The following ZNF254 variants were observed in gnomAD, a reference collection of about 807,000 sequenced individuals.
ZNF254 encodes CTD-2017D11.1.
A neutral mutation model predicts 12.4 loss-of-function variants in ZNF254; 10 were observed. That is an observed-to-expected ratio of 0.80 (90% CI 0.50 to 1.36). ZNF254 has a LOEUF of 1.36. ZNF254 is among the 40% of genes most tolerant of loss of function. The pLI is 0.00. For synonymous variants in ZNF254, 305 were observed against 253.4 expected (o/e 1.20, Z -1.93); for missense variants, 996 against 763.9 (o/e 1.30, Z -3.58).
chr19:24,108,770 T>C (rs1198316049), intron 3 of ZNF254, among the ~76,000 whole-genome samples: 1 of 152,232 alleles, frequency 6.6e-6, no homozygotes, highest in East Asian at 1.9e-4. Context: ...CAAATTTGTC[T>C]GTAATTTTAG....
chr19:24,087,425 C>T, intron 1 of ZNF254, 88 bp downstream of exon 1: 2 of 1,547,576 alleles, frequency 1.3e-6, no homozygotes, highest in Non-Finnish European at 1.8e-6. Flanking sequence ...CAGGCCTCCC[C>T]CCAGTCAGCT....
intron 2 of ZNF254, among the ~76,000 whole-genome samples, chr19:24,069,436 A>G (rs939707322): frequency 6.7e-6 from 1 of 149,212 alleles, no homozygotes; most frequent in African/African-American, 2.4e-5. Context: ...GTGAAACCCC[A>G]TCTCTACTAA....
chr19:24,071,959 G>A (rs1599642411), intron 2 of ZNF254, among the ~76,000 whole-genome samples: 1 of 152,136 alleles, frequency 6.6e-6, no homozygotes, highest in East Asian at 1.9e-4. Flanking sequence ...ATTAAAAATT[G>A]TATATATTGA....
At chr19:24,065,237 T>TAAAACACCTG (rs1017064721) in intron 2 of ZNF254, among the ~76,000 whole-genome samples, 3 of 152,124 alleles carry the variant, frequency 2.0e-5, no homozygotes, top group Admixed American at 6.6e-5. Flanking sequence ...AGGAACCAGG[T>TAAAACACCTG]GTTTTGTCTA....
chr19:24,111,151 G>C (rs1973654193), intron 3 of ZNF254, among the ~76,000 whole-genome samples: 2 of 132,284 alleles, frequency 1.5e-5, no homozygotes, highest in African/African-American at 5.8e-5. Context: ...CCCTTCCTGT[G>C]TTCATGTGTT....
chr19:24,057,555 T>C (rs1232709329), intron 2 of ZNF254, among the ~76,000 whole-genome samples: 1 of 152,238 alleles, frequency 6.6e-6, no homozygotes, highest in African/African-American at 2.4e-5. Flanking sequence ...AGGCTCATTG[T>C]ACAGTTGAGG....
intron 1 of ZNF254, among the ~76,000 whole-genome samples, chr19:24,037,604 T>TTTTTTTA (rs1405201014): frequency 1.3e-5 from 2 of 151,936 alleles, no homozygotes; most frequent in African/African-American, 4.8e-5. Flanking sequence ...CGGCTAATTG[T>TTTTTTTA]TTTTTTATTT....
chr19:24,107,351 TA>T, intron 3 of ZNF254: 1 of 430,284 alleles, frequency 2.3e-6, no homozygotes. Context: ...TTTTAAAATT[TA>T]TTAGTGTCCT....
chr19:24,083,655 A>G (rs1264081750), upstream of ZNF254, among the ~76,000 whole-genome samples: 5 of 152,212 alleles, frequency 3.3e-5, no homozygotes, highest in African/African-American at 9.6e-5. Context: ...CACATGCAAC[A>G]TGAAACAAAG....
intron 2 of ZNF254, among the ~76,000 whole-genome samples, chr19:24,070,562 G>A (rs1025244494): frequency 6.6e-6 from 1 of 152,110 alleles, no homozygotes; most frequent in Non-Finnish European, 1.5e-5. Flanking sequence ...TCTTTTTCAT[G>A]AATTCATCCA....
At chr19:24,042,717 C>CTACAGGTTATGTTT (rs1260200481) in intron 1 of ZNF254, among the ~76,000 whole-genome samples, 1 of 152,210 alleles carries the variant, frequency 6.6e-6, no homozygotes, top group Non-Finnish European at 1.5e-5. Context: ...TGTGTCTTCC[C>CTACAGGTTATGTTT]TACAGGTTAT....
In ZNF254 at chr19:24,128,509, A is replaced by T. The variant is rs1048731667; in HGVS notation, c.*529A>T. The T allele has an allele frequency of 2.0e-5, 3 of 152,188 alleles. No homozygotes were observed. Among genetic ancestry groups the T allele is most frequent in the African/African-American group, 7.2e-5 (3 of 41,464 alleles). The allele number at this position is 152,188 out of a possible 1,614,324, so 9.4% of individuals were successfully genotyped here. A position where few individuals can be genotyped will look rare whatever the true frequency, so the allele number is the denominator to read the frequency against. On this transcript the variant is annotated 3_prime_UTR_variant, in exon 4 of 4. Coordinates refer to ENST00000357002, the MANE Select transcript of ZNF254 (RefSeq NM_203282.4). ...ACTTGTACCACAGATCTTATTGTAC[A>T]CATTTTATACTAGAGAAAAACCCTC...
At chr19:24,071,721 G>A (rs1230498397) in intron 2 of ZNF254, among the ~76,000 whole-genome samples, 1 of 152,046 alleles carries the variant, frequency 6.6e-6, no homozygotes, top group Non-Finnish European at 1.5e-5. Flanking sequence ...CTAATGCTTG[G>A]GCTCTGCCCA....
At chr19:24,069,989 C>T (rs931018005) in intron 2 of ZNF254, among the ~76,000 whole-genome samples, 2 of 152,158 alleles carry the variant, frequency 1.3e-5, no homozygotes, top group Non-Finnish European at 1.5e-5. Flanking sequence ...ATAGAGCCCA[C>T]TGGTGAGGTC....
At chr19:24,117,823 AT>A (rs1974202899) in intron 3 of ZNF254, among the ~76,000 whole-genome samples, 1 of 151,844 alleles carries the variant, frequency 6.6e-6, no homozygotes, top group South Asian at 2.1e-4. Flanking sequence ...AGCTGTTCGT[AT>A]TTGGCCATCT....
chr19:24,087,349 A>T lies in ZNF254; in HGVS notation c.30+12A>T. The T allele has an allele frequency of 1.2e-6, 2 of 1,613,520 alleles. No individual in the cohort carries two copies. Among genetic ancestry groups the T allele is most frequent in the Non-Finnish European group, 1.7e-6 (2 of 1,179,644 alleles). On this transcript the variant is annotated intron_variant, in intron 1 of 3. Transcript: ENST00000357002. ...GAAGCCTAGAAATGGTGAGAATGCC[A>T]GTCCGACATCCCGAGAGAGGGGAGG...
chr19:24,128,314 C>G lies in ZNF254; in HGVS notation c.*334C>G, dbSNP rs140250586. On this transcript the variant is annotated 3_prime_UTR_variant, in exon 4 of 4. Coordinates refer to ENST00000357002, the MANE Select transcript of ZNF254 (RefSeq NM_203282.4). ...TACAAATATTGGCAAAGTAAAAAATCCATTAACACCTGCTCACATCTTACT... is the reference window on the plus strand; with the variant it reads ...TACAAATATTGGCAAAGTAAAAAATGCATTAACACCTGCTCACATCTTACT... The G allele has an allele frequency of 2.0e-3, 445 of 218,842 alleles. 1 individual carries two copies. Among genetic ancestry groups the G allele is most frequent in the Non-Finnish European group, 3.3e-3 (372 of 112,602 alleles). The allele number at this position is 218,842 out of a possible 1,614,324, so 13.6% of individuals were successfully genotyped here.
upstream of ZNF254, among the ~76,000 whole-genome samples, chr19:24,086,455 G>A (rs559002859): frequency 2.0e-3 from 304 of 151,892 alleles, 1 homozygote; most frequent in African/African-American, 7.0e-3. Flanking sequence ...ATAGGCGTGC[G>A]CCACCATGCC....
At chr19:24,081,212 T>G (rs1278473957) in intron 2 of ZNF254, among the ~76,000 whole-genome samples, 1 of 152,156 alleles carries the variant, frequency 6.6e-6, no homozygotes, top group African/African-American at 2.4e-5. Flanking sequence ...CCATTTTACA[T>G]AATCTCTAAG....
Sources: gnomAD v4.1 joint callset for allele counts (sites outside exome capture counted in the v4.1 genomes callset) on GRCh38, gnomAD v4.1.1 for gene constraint, MANE v1.5 for transcripts, NCBI Gene and HGNC (gene_info 2026-07-23, HGNC 2026-07-21) for gene names.